CUX1: variants seen among roughly 807,000 people sequenced by gnomAD.
CUX1 encodes the protein protein CASP.
CUX1 carries 31 observed loss-of-function variants against 158.8 expected under a neutral mutation model. The ratio of observed to expected loss-of-function variants is 0.20; its 90% CI spans 0.15 to 0.26. CUX1 has a LOEUF of 0.26. Among genes scored for constraint, CUX1 ranks in the 10% least tolerant of loss-of-function variants. CUX1 has a pLI of 1.00. For synonymous variants in CUX1, 879 were observed against 862.1 expected (o/e 1.02, Z -0.34); for missense variants, 1,589 against 2,014.6 (o/e 0.79, Z 4.04).
chr7:102,135,537 C>A (rs1386300524), intron 8 of CUX1, among the ~76,000 whole-genome samples: 1 of 151,028 alleles, frequency 6.6e-6, no homozygotes, highest in Non-Finnish European at 1.5e-5. Context: ...TTGTTCAGAC[C>A]CATATTTGAG....
intron 1 of CUX1, among the ~76,000 whole-genome samples, chr7:101,880,973 T>G (rs1799643468): frequency 6.6e-6 from 1 of 152,218 alleles, no homozygotes; most frequent in South Asian, 2.1e-4. Flanking sequence ...AGTGAGCAGA[T>G]GTGTAAGAAA....
At chr7:101,870,965 G>C (rs1432420095) in intron 1 of CUX1, among the ~76,000 whole-genome samples, 1 of 152,234 alleles carries the variant, frequency 6.6e-6, no homozygotes, top group Non-Finnish European at 1.5e-5. Flanking sequence ...TCACCTGCCA[G>C]TGCCTTGGAT....
chr7:101,996,682 GTTTCCTTCCCTCCGTCTT>G (rs1428757794), intron 2 of CUX1, among the ~76,000 whole-genome samples: 22 of 106,302 alleles, frequency 2.1e-4, no homozygotes, highest in Non-Finnish European at 5.2e-5. Flanking sequence ...TCCTTCCCTC[GTTTCCTTCCCTCCGTCTT>G]TTTCCTTCCC....
At chr7:102,157,547 A>G (rs1789909980) in intron 8 of CUX1, among the ~76,000 whole-genome samples, 1 of 152,170 alleles carries the variant, frequency 6.6e-6, no homozygotes, top group Non-Finnish European at 1.5e-5. Flanking sequence ...TGGGAGGCCA[A>G]GGTGGGTGGA....
chr7:101,887,329 A>G (rs893496589), intron 1 of CUX1, among the ~76,000 whole-genome samples: 1 of 151,706 alleles, frequency 6.6e-6, no homozygotes, highest in East Asian at 1.9e-4. Context: ...TTTTTTAGAA[A>G]GAGGATCTTG....
chr7:101,910,880 A>G (rs1439321281), intron 1 of CUX1, among the ~76,000 whole-genome samples: 1 of 152,202 alleles, frequency 6.6e-6, no homozygotes, highest in Non-Finnish European at 1.5e-5. Context: ...TTTTGTTTTT[A>G]ATAACATCTG....
intron 20 of CUX1, among the ~76,000 whole-genome samples, chr7:102,213,223 G>T (rs1796725006): frequency 6.6e-6 from 1 of 152,186 alleles, no homozygotes; most frequent in South Asian, 2.1e-4. Context: ...GATGGTGCAG[G>T]GTACTCCTGG....
chr7:102,266,886 C>G (rs1586501217), intron 14 of CUX1, among the ~76,000 whole-genome samples: 1 of 152,162 alleles, frequency 6.6e-6, no homozygotes, highest in East Asian at 1.9e-4. Flanking sequence ...TGAGAAGAGA[C>G]AGCTTCTTCA....
Position 102,227,563 on chromosome 7 carries a change from C to T in CUX1, c.3327C>T (p.Ser1109=), listed in dbSNP as rs1421177000. The T allele has an allele frequency of 5.0e-6, 8 of 1,614,186 alleles. No individual in the cohort carries two copies. The highest frequency in any genetic ancestry group is 2.2e-5 in the East Asian group (1 of 44,880). The change falls in exon 21 of 24, where the codon TCC becomes TCT. Residue 1109 remains serine, a synonymous_variant. Transcript: ENST00000292535. ...DSQPTTPLPL[S]GHSALSIQEL... ...AGCCCACAACCCCGCTGCCTCTCTC[C>T]GGACACTCGGCCCTCAGCATCCAAG...
rs114804894 is a variant in CUX1, at chr7:102,217,385, G to A, written c.3131-9982G>A. On this transcript the variant is annotated intron_variant, in intron 20 of 23. Coordinates refer to ENST00000292535, the MANE Select transcript of CUX1 (RefSeq NM_181552.4). ...TCCCCGGCAGGTCCCCTCCCCGCCC[G>A]CGGGTGAGCTCTGGTTCTGCGCAGG... Among the ~76,000 whole-genome samples the A allele has an allele frequency of 1.7e-3, 261 of 152,356 alleles. 1 individual carries two copies. Among genetic ancestry groups the A allele is most frequent in the African/African-American group, 6.0e-3 (248 of 41,590 alleles).
intron 8 of CUX1, among the ~76,000 whole-genome samples, chr7:102,157,546 A>C (rs1404946010): frequency 2.6e-5 from 4 of 152,122 alleles, no homozygotes; most frequent in African/African-American, 9.7e-5. Flanking sequence ...TTGGGAGGCC[A>C]AGGTGGGTGG....
At position 102,254,614 on chromosome 7, in the gene CUX1, G is replaced by T. The variant is rs1256550797; in HGVS notation, c.*5572G>T. 3.0e-6 allele frequency: 3 copies of T among 985,322 alleles called. No homozygotes were observed. In the African/African-American group the frequency reaches 5.2e-5, roughly 17 times the overall value. 61.0% of individuals were successfully genotyped at this position (985,322 alleles called of 1,614,324 possible). On this transcript the variant is annotated 3_prime_UTR_variant, in exon 24 of 24. Coordinates refer to ENST00000292535, the MANE Select transcript of CUX1 (RefSeq NM_181552.4). ...TTTGCAAGTAAGAACCTAAGGATGGGGACAGCATCCTGTGCTTGGGCATTG... is the reference window on the plus strand; with the variant it reads ...TTTGCAAGTAAGAACCTAAGGATGGTGACAGCATCCTGTGCTTGGGCATTG...
intron 2 of CUX1, among the ~76,000 whole-genome samples, chr7:101,956,727 G>A (rs944224595): frequency 1.1e-4 from 17 of 152,168 alleles, no homozygotes; most frequent in Admixed American, 5.2e-4. Flanking sequence ...CGGGCAGTGC[G>A]GGTTGAGTGC....
intron 3 of CUX1, among the ~76,000 whole-genome samples, chr7:102,045,077 G>A (rs1014962825): frequency 3.3e-5 from 5 of 152,154 alleles, no homozygotes; most frequent in African/African-American, 1.2e-4. Flanking sequence ...GGCAAAACCC[G>A]CAAGCCTGAC....
chr7:101,870,325 T>A (rs1798388043), intron 1 of CUX1, among the ~76,000 whole-genome samples: 1 of 151,648 alleles, frequency 6.6e-6, no homozygotes, highest in Non-Finnish European at 1.5e-5. Context: ...CCGGGCTAAT[T>A]TTTGTATTTT....
intron 10 of CUX1, among the ~76,000 whole-genome samples, chr7:102,174,445 T>C (rs1487414388): frequency 1.3e-5 from 2 of 151,964 alleles, no homozygotes; most frequent in Non-Finnish European, 2.9e-5. Flanking sequence ...GGCCACCTCT[T>C]CCTCTCTCTG....
chr7:101,960,509 C>T (rs552036687), intron 2 of CUX1: 136 of 152,318 alleles, frequency 8.9e-4, no homozygotes, highest in Middle Eastern at 3.4e-3. Flanking sequence ...GTGGCACACA[C>T]TTGTGATCCC....
chr7:102,165,129 G>A (rs897241266), intron 9 of CUX1, among the ~76,000 whole-genome samples: 4 of 151,962 alleles, frequency 2.6e-5, no homozygotes, highest in Non-Finnish European at 5.9e-5. Flanking sequence ...GGGCCATGTC[G>A]CACATGAGAC....
intron 3 of CUX1, among the ~76,000 whole-genome samples, chr7:102,057,949 A>G (rs991564292): frequency 2.8e-4 from 42 of 152,144 alleles, no homozygotes; most frequent in African/African-American, 1.0e-3. Flanking sequence ...GAAAGAGTCA[A>G]TCAAGCTAGC....
Sources: allele counts gnomAD v4.1 joint callset (sites outside exome capture counted in the v4.1 genomes callset), GRCh38; gene constraint gnomAD v4.1.1; transcripts MANE v1.5; gene names NCBI Gene and HGNC (gene_info 2026-07-23, HGNC 2026-07-21).